Variants in ATP8A2 observed in about 807,000 individuals in gnomAD.
The protein encoded by ATP8A2 is phospholipid-transporting ATPase IB.
A neutral mutation model predicts 165.6 loss-of-function variants in ATP8A2; 100 were observed. That is an observed-to-expected ratio of 0.60 (90% confidence interval 0.51 to 0.71). The LOEUF (loss-of-function observed/expected upper bound fraction) is 0.71. ATP8A2 is among the 30% of genes least tolerant of loss of function. ATP8A2 has a pLI of 0.00. For missense variants in ATP8A2, 1,227 were observed against 1,479.5 expected, an observed-to-expected ratio of 0.83 and a Z score of 2.80; for synonymous variants, 543 against 548.8, an observed-to-expected ratio of 0.99 and a Z score of 0.15.
chr13:25,678,342 T>C (rs901737660), intron 24 of ATP8A2, among the ~76,000 whole-genome samples: 1 of 152,112 alleles, frequency 6.6e-6, no homozygotes, highest in Non-Finnish European at 1.5e-5. Flanking sequence ...GTAGAGGCAC[T>C]TAGTGACAGG....
chr13:25,735,734 T>C (rs2043753722), intron 25 of ATP8A2, among the ~76,000 whole-genome samples: 1 of 152,206 alleles, frequency 6.6e-6, no homozygotes, highest in South Asian at 2.1e-4. Context: ...CATACGATTA[T>C]AATGGAGCTA....
chr13:25,544,652 C>G (rs560899635), intron 10 of ATP8A2, among the ~76,000 whole-genome samples: 3 of 152,062 alleles, frequency 2.0e-5, no homozygotes, highest in Non-Finnish European at 4.4e-5. Context: ...GGGAGTGACT[C>G]GTGTGAGTAG....
chr13:25,733,636 A>G (rs1209004122), intron 25 of ATP8A2, among the ~76,000 whole-genome samples: 1 of 152,132 alleles, frequency 6.6e-6, no homozygotes, highest in Non-Finnish European at 1.5e-5. Context: ...GCCCTCTCAC[A>G]TACTGGATTT....
chr13:25,567,515 G>A (rs1345835039), intron 16 of ATP8A2, among the ~76,000 whole-genome samples: 1 of 152,144 alleles, frequency 6.6e-6, no homozygotes, highest in Non-Finnish European at 1.5e-5. Flanking sequence ...CAACCCCTGT[G>A]AAAAGGAAGC....
intron 2 of ATP8A2, among the ~76,000 whole-genome samples, chr13:25,520,895 T>G (rs186232164): frequency 2.6e-5 from 4 of 152,336 alleles, no homozygotes; most frequent in African/African-American, 9.6e-5. Flanking sequence ...ATTACAGGCA[T>G]GAGCCACCGT....
chr13:25,660,385 C>G (rs1056195117), intron 24 of ATP8A2, among the ~76,000 whole-genome samples: 1 of 152,136 alleles, frequency 6.6e-6, no homozygotes, highest in East Asian at 1.9e-4. Flanking sequence ...AAACACCAGT[C>G]CTTAAGGCAG....
chr13:25,905,563 G>C (rs537590486), intron 33 of ATP8A2, among the ~76,000 whole-genome samples: 2 of 152,306 alleles, frequency 1.3e-5, no homozygotes, highest in Admixed American at 6.5e-5. Flanking sequence ...GCCAACAGCG[G>C]TTGGTGCGTG....
chr13:25,390,961 T>A (rs2033225536), intron 1 of ATP8A2, among the ~76,000 whole-genome samples: 1 of 152,020 alleles, frequency 6.6e-6, no homozygotes, highest in South Asian at 2.1e-4. Context: ...TTGCCACATA[T>A]CTCAGTGGTT....
rs767950734 is a variant in ATP8A2 at position 25,750,833 on chromosome 13, G to A, written c.2385-18213G>A. On this transcript the variant is annotated intron_variant, in intron 25 of 36. Coordinates refer to ENST00000381655, the MANE Select transcript of ATP8A2 (RefSeq NM_016529.6). The surrounding 1 kb of genome is among the most constrained non-coding windows in gnomAD (Gnocchi z 4.3). ...AAAAGGAATCTTTTTGGAATTACACGTGTAGTTCACTAAAGTATTCCTAGT... is the reference window on the plus strand; with the variant it reads ...AAAAGGAATCTTTTTGGAATTACACATGTAGTTCACTAAAGTATTCCTAGT... 2.0e-5 allele frequency among the ~76,000 whole-genome samples: 3 copies of A among 152,108 alleles called. No homozygotes were observed. Among genetic ancestry groups the A allele is most frequent in the Non-Finnish European group, 2.9e-5 (2 of 68,020 alleles).
intron 6 of ATP8A2, among the ~76,000 whole-genome samples, chr13:25,536,441 AC>A (rs1350366072): frequency 6.6e-6 from 1 of 152,194 alleles, no homozygotes; most frequent in African/African-American, 2.4e-5. Flanking sequence ...TTTAAAAAAC[AC>A]TTTCAATTGA....
chr13:25,877,842 A>G (rs1170673920), intron 33 of ATP8A2, among the ~76,000 whole-genome samples: 1 of 152,256 alleles, frequency 6.6e-6, no homozygotes, highest in Non-Finnish European at 1.5e-5. Flanking sequence ...AGCTGTGTTC[A>G]TTAAGGACAA....
chr13:25,391,846 A>G (rs9553604), intron 1 of ATP8A2, among the ~76,000 whole-genome samples: 91,170 of 152,154 alleles, frequency 0.6, 28,938 homozygotes, highest in East Asian at 0.82. Flanking sequence ...TTCAGGGAAA[A>G]TCTCAGCATG....
At chr13:25,474,052 C>A (rs1190391675) in intron 2 of ATP8A2, among the ~76,000 whole-genome samples, 2 of 152,110 alleles carry the variant, frequency 1.3e-5, no homozygotes, top group African/African-American at 4.8e-5. Flanking sequence ...ATGAGGTCTT[C>A]AAAGCTAGTT....
At chr13:25,821,816 G>A (rs1021631556) in intron 27 of ATP8A2, among the ~76,000 whole-genome samples, 1 of 152,110 alleles carries the variant, frequency 6.6e-6, no homozygotes, top group African/African-American at 2.4e-5. Context: ...CTCCCCCAAG[G>A]TGTGACAGTA....
chr13:25,839,433 T>C (rs1951702545), intron 29 of ATP8A2, 113 bp from the exon 30 acceptor site: 2 of 706,764 alleles, frequency 2.8e-6, no homozygotes, highest in Non-Finnish European at 5.1e-6. Flanking sequence ...ATGCTACTCC[T>C]GGAACCGTGC....
chr13:25,756,371 G>T (rs1186034571), intron 25 of ATP8A2, among the ~76,000 whole-genome samples: 1 of 145,878 alleles, frequency 6.9e-6, no homozygotes, highest in African/African-American at 2.5e-5. Flanking sequence ...CTTTCGTCCA[G>T]GCTGGAGTGA....
intron 24 of ATP8A2, among the ~76,000 whole-genome samples, chr13:25,698,226 T>G (rs1235626169): frequency 2.6e-5 from 2 of 76,264 alleles, no homozygotes; most frequent in South Asian, 1.5e-3. Flanking sequence ...GAACGTCTGT[T>G]TTTTTTTTTT....
At chr13:25,518,495 G>T (rs1178043197) in intron 2 of ATP8A2, among the ~76,000 whole-genome samples, 2 of 152,122 alleles carry the variant, frequency 1.3e-5, no homozygotes, top group East Asian at 3.8e-4. Flanking sequence ...ACCTTAACAT[G>T]GATTTACTGT....
At chr13:25,911,527 T>G (rs1954106527) in intron 33 of ATP8A2, among the ~76,000 whole-genome samples, 1 of 152,168 alleles carries the variant, frequency 6.6e-6, no homozygotes, top group African/African-American at 2.4e-5. Flanking sequence ...CCACTAAAAC[T>G]TATCCTCAGA....
Sources: allele counts gnomAD v4.1 joint callset (sites outside exome capture counted in the v4.1 genomes callset), GRCh38; gene constraint gnomAD v4.1.1; non-coding constraint Gnocchi (gnomAD v3.1); transcripts MANE v1.5; gene names NCBI Gene and HGNC (gene_info 2026-07-23, HGNC 2026-07-21).